The following MYO1E variants were observed in gnomAD, a reference collection of about 807,000 sequenced individuals.
MYO1E encodes unconventional myosin-Ie.
MYO1E carries 68 observed loss-of-function variants against 151.1 expected under a neutral mutation model. The ratio of observed to expected loss-of-function variants is 0.45; its 90% CI spans 0.37 to 0.55. The LOEUF (loss-of-function observed/expected upper bound fraction) is 0.55, where lower values mean the gene tolerates loss of function less well. Ranked by LOEUF, MYO1E falls within the 20% of genes least tolerant of loss-of-function variation. The probability of loss-of-function intolerance (pLI) is 0.00; values close to 1 mark genes in which losing one functional copy is unlikely to be tolerated. For missense variants in MYO1E, 1,363 were observed against 1,389.3 expected (o/e 0.98, Z 0.30); for synonymous variants, 601 against 501.7 (o/e 1.20, Z -2.64).
In MYO1E at chr15:59,227,571, T is replaced by C; in HGVS notation, c.530A>G (p.Gln177Arg). Residue 177 changes from glutamine (Q) to arginine (R), a missense_variant, in exon 7 of 28, where the codon CAG (glutamine) becomes CGG (arginine). By Grantham distance (43) the Gln-to-Arg change is conservative. Coordinates refer to ENST00000288235, the MANE Select transcript of MYO1E (RefSeq NM_004998.4). ...SSRFGKYFEI[Q>R]FSPGGEPDGG... ...ATCTGGTTCCCCACCTGGACTGAAC[T>C]GGATTTCAAAGTATTTTCCCTGCAA... is the stretch of plus-strand genomic sequence containing the variant. 1 of 1,614,200 alleles carries C rather than the reference T, an allele frequency of 6.2e-7. No homozygotes were observed. The highest frequency in any genetic ancestry group is 8.5e-7 in the Non-Finnish European group (1 of 1,180,022).
At chr15:59,302,954 G>A (rs1955702778) in intron 1 of MYO1E, among the ~76,000 whole-genome samples, 1 of 152,174 alleles carries the variant, frequency 6.6e-6, no homozygotes, top group African/African-American at 2.4e-5. Context: ...TTAGGCCAAG[G>A]CATCTCTAGA....
chr15:59,346,952 G>A (rs2080797520), intron 1 of MYO1E, among the ~76,000 whole-genome samples: 1 of 151,854 alleles, frequency 6.6e-6, no homozygotes, highest in African/African-American at 2.4e-5. Context: ...AAAGAATTGT[G>A]TAAAGAAAAG....
intron 15 of MYO1E, among the ~76,000 whole-genome samples, chr15:59,204,365 C>T (rs72746824): frequency 0.033 from 5,014 of 152,282 alleles, 131 homozygotes; most frequent in Non-Finnish European, 0.052. Flanking sequence ...TCATTGCAGT[C>T]AGCCCTTTAA....
At chr15:59,227,272 T>C (rs1414639682) in intron 7 of MYO1E, among the ~76,000 whole-genome samples, 187 bp downstream of exon 7, 2 of 152,256 alleles carry the variant, frequency 1.3e-5, no homozygotes, top group African/African-American at 2.4e-5. Context: ...TTCTGTCTTA[T>C]CACTCCAATT....
Position 59,171,929 on chromosome 15 carries a change from G to C in MYO1E, c.2448C>G (p.Ile816Met). 6.2e-7 allele frequency: 1 copy of C among 1,614,158 alleles called. No individual in the cohort carries two copies. The highest frequency in any genetic ancestry group is 8.5e-7 in the Non-Finnish European group (1 of 1,180,016). Residue 816 changes from isoleucine to methionine, a missense_variant, in exon 22 of 28, where the codon ATC (isoleucine) becomes ATG (methionine). Transcript: ENST00000288235. Reference protein sequence around the residue: ...GLVKEVLKRKIEIERILSVSL... With the variant: ...GLVKEVLKRKMEIERILSVSL... ...ACACAGACAAGATCCGTTCTATCTC[G>C]ATTTTCCGCTTCAGGACTTCTTTCA...
At position 59,261,276 on chromosome 15, in the gene MYO1E, TA is replaced by T. The variant is rs1221245953; in HGVS notation, c.237+143del. On this transcript the variant is annotated intron_variant, in intron 3 of 27. Coordinates refer to ENST00000288235, the MANE Select transcript of MYO1E (RefSeq NM_004998.4). ...AAAATAAAAATAAAAAGCAGATCAT[TA>T]AAAATCAAACAATGTCACTCAAGTT... 5.7e-5 allele frequency: 24 copies of T among 418,796 alleles called. No individual in the cohort carries two copies. In the Admixed American group the frequency reaches 8.7e-4, roughly 15 times the overall value. 25.9% of individuals were successfully genotyped at this position (418,796 alleles called of 1,614,324 possible).
At chr15:59,225,434 T>C (rs1395326693) in intron 7 of MYO1E, among the ~76,000 whole-genome samples, 2 of 152,148 alleles carry the variant, frequency 1.3e-5, no homozygotes, top group Non-Finnish European at 2.9e-5. Context: ...GACCATTTGA[T>C]CCTGTCGATG....
At chr15:59,220,925 T>TAA (rs59578227) in intron 9 of MYO1E, among the ~76,000 whole-genome samples, 13 of 77,928 alleles carry the variant, frequency 1.7e-4, no homozygotes, top group East Asian at 7.6e-4. Flanking sequence ...CCCCATCTCT[T>TAA]AAAAAAAAAA....
chr15:59,357,769 A>G (rs538216810), intron 1 of MYO1E, among the ~76,000 whole-genome samples: 6 of 152,250 alleles, frequency 3.9e-5, no homozygotes, highest in African/African-American at 1.2e-4. Context: ...ATTTTCAATG[A>G]TGAGGCTCAA....
chr15:59,148,383 GC>G (rs1357529573), intron 26 of MYO1E, among the ~76,000 whole-genome samples: 7 of 152,220 alleles, frequency 4.6e-5, no homozygotes, highest in Non-Finnish European at 7.3e-5. Flanking sequence ...GGGTGGGTGT[GC>G]CTAGTCTATG....
At chr15:59,311,598 T>G (rs1177957996) in intron 1 of MYO1E, among the ~76,000 whole-genome samples, 1 of 152,098 alleles carries the variant, frequency 6.6e-6, no homozygotes, top group Admixed American at 6.6e-5. Context: ...ATAAGAACCA[T>G]AAAGCTTAAT....
chr15:59,335,867 G>C (rs190516606), intron 1 of MYO1E, among the ~76,000 whole-genome samples: 1 of 152,082 alleles, frequency 6.6e-6, no homozygotes, highest in Admixed American at 6.6e-5. Flanking sequence ...GCGGAGGAAT[G>C]AGTGTCACGG....
chr15:59,171,435 C>T (rs193265695), intron 22 of MYO1E, among the ~76,000 whole-genome samples: 1 of 152,284 alleles, frequency 6.6e-6, no homozygotes, highest in Admixed American at 6.5e-5. Context: ...TCCAGGGCTA[C>T]AGAGAATGGA....
rs2079536750 is a variant in MYO1E at position 59,161,248 on chromosome 15, GGGTTAACA to G, written c.2628-26_2628-19del. 6.2e-7 allele frequency: 1 copy of G among 1,612,692 alleles called. No homozygotes were observed. Among genetic ancestry groups the G allele is most frequent in the African/African-American group, 1.3e-5 (1 of 74,858 alleles). ...GTTCAAGCCTGCAAAAAGCACAGTGGGGTTAACAGGTCGAAGGACGCAGTGAGAAAACG... is the reference window on the plus strand; with the variant it reads ...GTTCAAGCCTGCAAAAAGCACAGTGGGGTCGAAGGACGCAGTGAGAAAACG... On this transcript the variant is annotated intron_variant, in intron 23 of 27. Coordinates refer to ENST00000288235, the MANE Select transcript of MYO1E (RefSeq NM_004998.4).
chr15:59,342,222 A>G (rs1466309618), intron 1 of MYO1E, among the ~76,000 whole-genome samples: 1 of 152,158 alleles, frequency 6.6e-6, no homozygotes, highest in African/African-American at 2.4e-5. Context: ...TTAAAATCAG[A>G]TTAGATTTTT....
intron 14 of MYO1E, 188 bp downstream of exon 14, chr15:59,208,493 A>G (rs1431534078): frequency 1.4e-6 from 1 of 693,958 alleles, no homozygotes; most frequent in Non-Finnish European, 2.5e-6. Flanking sequence ...TACAATGTAA[A>G]AATAAATGTA....
In MYO1E at chr15:59,133,681, G is replaced by A. The variant is rs571801219; in HGVS notation, c.*3699C>T. 1.3e-5 allele frequency: 2 copies of A among 152,198 alleles called. No individual in the cohort carries two copies. Among genetic ancestry groups the A allele is most frequent in the Non-Finnish European group, 2.9e-5 (2 of 68,044 alleles). The allele number at this position is 152,198 out of a possible 1,614,324, so 9.4% of individuals were successfully genotyped here. A position where few individuals can be genotyped will look rare whatever the true frequency, so the allele number is the denominator to read the frequency against. On this transcript the variant is annotated 3_prime_UTR_variant, in exon 28 of 28. Transcript: ENST00000288235. The stretch of plus-strand genomic sequence containing the variant: ...GTCTTTCTTTTGATCACAAAAGTGA[G>A]GGGTGCCAGAAACACAGAGTTAAAT...
At chr15:59,273,100 T>A (rs762502815) in intron 1 of MYO1E, among the ~76,000 whole-genome samples, 1 of 152,186 alleles carries the variant, frequency 6.6e-6, no homozygotes, top group Non-Finnish European at 1.5e-5. Flanking sequence ...ATAACGAGGA[T>A]GTGGACAGGA....
At chr15:59,212,311 C>A (rs953419867) in intron 12 of MYO1E, among the ~76,000 whole-genome samples, 3 of 151,930 alleles carry the variant, frequency 2.0e-5, no homozygotes, top group South Asian at 2.1e-4. Flanking sequence ...CTCTAGCCTA[C>A]CCCACCCCTT....
Sources: gnomAD v4.1 joint callset for allele counts (sites outside exome capture counted in the v4.1 genomes callset) on GRCh38, gnomAD v4.1.1 for gene constraint, MANE v1.5 for transcripts, NCBI Gene and HGNC (gene_info 2026-07-23, HGNC 2026-07-21) for gene names.